Variants in DTL observed in about 807,000 individuals in gnomAD.
DTL encodes the protein denticleless protein homolog.
Under a neutral mutation model 87.0 loss-of-function variants are expected in DTL, and 46 were observed. That is an observed-to-expected ratio of 0.53 (90% confidence interval 0.42 to 0.68). DTL has a LOEUF of 0.68. Among genes scored for constraint, DTL ranks in the 30% least tolerant of loss-of-function variants. DTL has a pLI of 0.00. For synonymous variants in DTL, 308 were observed against 311.2 expected (o/e 0.99, Z 0.11); for missense variants, 737 against 869.4 (o/e 0.85, Z 1.91).
intron 5 of DTL, among the ~76,000 whole-genome samples, chr1:212,052,437 G>GACC (rs1364205704): frequency 6.6e-6 from 1 of 152,070 alleles, no homozygotes; most frequent in Non-Finnish European, 1.5e-5. Flanking sequence ...AGGAGTTCAA[G>GACC]ACCAGCTAGG....
At chr1:212,066,399 A>G (rs1304875681) in intron 7 of DTL, among the ~76,000 whole-genome samples, 1 of 152,210 alleles carries the variant, frequency 6.6e-6, no homozygotes, top group Non-Finnish European at 1.5e-5. Context: ...TTTTCAGGGC[A>G]TGAAATAATC....
At chr1:212,047,240 G>C in intron 4 of DTL, 28 bp downstream of exon 4, 1 of 1,614,080 alleles carries the variant, frequency 6.2e-7, no homozygotes, top group Non-Finnish European at 8.5e-7. Flanking sequence ...ATTAGGATCT[G>C]GGTAAATACT....
rs192484649 is a variant in DTL at position 212,087,822 on chromosome 1, C to T, written c.1261+7072C>T. 7.9e-5 allele frequency among the ~76,000 whole-genome samples: 12 copies of T among 152,332 alleles called. No homozygotes were observed. The East Asian group carries it at 1.2e-3, about 15-fold the overall frequency. ...CCAAGCTTCTAATTGCCACGCCAAC[C>T]TTTCATTGCTGTCCTGGGCTGCTTA... On this transcript the variant is annotated intron_variant, in intron 13 of 14. Coordinates refer to ENST00000366991, the MANE Select transcript of DTL (RefSeq NM_016448.4).
At position 212,062,796 on chromosome 1, in the gene DTL, A is replaced by G. The variant is rs1654372547; in HGVS notation, c.461-88A>G. 6.9e-6 allele frequency: 7 copies of G among 1,016,324 alleles called. No homozygotes were observed. The Admixed American group carries it at 1.0e-4, about 15-fold the overall frequency. 63.0% of individuals were successfully genotyped at this position (1,016,324 alleles called of 1,614,324 possible). Reference sequence around the variant, plus strand: ...GTGACAGATACAGTACCTAGCACATAATAGATAGTCTACAAAATGTAAACT... The same window carrying G: ...GTGACAGATACAGTACCTAGCACATGATAGATAGTCTACAAAATGTAAACT... On this transcript the variant is annotated intron_variant, in intron 5 of 14. Coordinates refer to ENST00000366991, the MANE Select transcript of DTL (RefSeq NM_016448.4).
chr1:212,056,630 A>C (rs1281800543), intron 5 of DTL, among the ~76,000 whole-genome samples: 3 of 152,218 alleles, frequency 2.0e-5, no homozygotes, highest in Non-Finnish European at 4.4e-5. Context: ...GTAATTCTTC[A>C]GCAACAAATC....
intron 5 of DTL, among the ~76,000 whole-genome samples, chr1:212,053,158 T>A (rs900125011): frequency 6.6e-5 from 10 of 152,212 alleles, no homozygotes; most frequent in African/African-American, 2.4e-4. Flanking sequence ...AATTGAATGA[T>A]TTCTATTAAT....
intron 5 of DTL, among the ~76,000 whole-genome samples, chr1:212,062,612 A>T (rs1654361259): frequency 6.6e-6 from 1 of 152,194 alleles, no homozygotes; most frequent in South Asian, 2.1e-4. Context: ...CTTGATTGTT[A>T]TTCTTATTAC....
chr1:212,039,995 A>T (rs1401951104), intron 1 of DTL, among the ~76,000 whole-genome samples: 2 of 152,200 alleles, frequency 1.3e-5, no homozygotes, highest in Non-Finnish European at 2.9e-5. Context: ...TAAATTGATT[A>T]AAAAATACTT....
chr1:212,094,526 A>G (rs991507036), intron 13 of DTL, among the ~76,000 whole-genome samples: 1 of 152,152 alleles, frequency 6.6e-6, no homozygotes, highest in African/African-American at 2.4e-5. Flanking sequence ...GTTTGAAGTC[A>G]GGTAATGTGA....
At chr1:212,097,759 T>C (rs1655492791) in intron 13 of DTL, among the ~76,000 whole-genome samples, 1 of 152,256 alleles carries the variant, frequency 6.6e-6, no homozygotes, top group African/African-American at 2.4e-5. Context: ...CCATTGCTGG[T>C]AAGCTAGTAT....
chr1:212,068,774 A>G (rs1654587010), intron 10 of DTL, 71 bp downstream of exon 10: 1 of 971,064 alleles, frequency 1.0e-6, no homozygotes, highest in South Asian at 1.5e-5. Context: ...TGATAATTTA[A>G]TGGGCTTTCT....
At chr1:212,072,500 T>C (rs1259176873) in intron 11 of DTL, among the ~76,000 whole-genome samples, 3 of 152,182 alleles carry the variant, frequency 2.0e-5, no homozygotes, top group Non-Finnish European at 4.4e-5. Flanking sequence ...CTTAACTACT[T>C]TGTCCTGCAT....
intron 13 of DTL, among the ~76,000 whole-genome samples, chr1:212,096,697 G>A (rs1212920433): frequency 6.6e-6 from 1 of 152,188 alleles, no homozygotes; most frequent in East Asian, 1.9e-4. Context: ...TCCCTTTGGA[G>A]TTGACTTCCA....
At chr1:212,088,127 C>T (rs1014231728) in intron 13 of DTL, among the ~76,000 whole-genome samples, 1 of 152,142 alleles carries the variant, frequency 6.6e-6, no homozygotes, top group Non-Finnish European at 1.5e-5. Flanking sequence ...TGTATTTTTA[C>T]AAAGCTCCAA....
chr1:212,097,718 G>T (rs1342391833), intron 13 of DTL, among the ~76,000 whole-genome samples: 2 of 151,818 alleles, frequency 1.3e-5, no homozygotes, highest in Non-Finnish European at 2.9e-5. Flanking sequence ...ATTCTTTTCT[G>T]GCAATTCAAA....
intron 1 of DTL, among the ~76,000 whole-genome samples, chr1:212,037,274 C>G (rs1420206682): frequency 6.6e-6 from 1 of 152,190 alleles, no homozygotes; most frequent in Admixed American, 6.5e-5. Flanking sequence ...CTCAAGTACT[C>G]ATTCGTTGTT....
chr1:212,077,162 G>A, intron 11 of DTL, among the ~76,000 whole-genome samples: 1 of 152,162 alleles, frequency 6.6e-6, no homozygotes, highest in East Asian at 1.9e-4. Flanking sequence ...AATGAAAAGA[G>A]AATAACTTCT....
intron 2 of DTL, 52 bp downstream of exon 2, chr1:212,043,170 AC>A: frequency 6.5e-7 from 1 of 1,539,800 alleles, no homozygotes; most frequent in African/African-American, 1.4e-5. Context: ...TCTATTTCAC[AC>A]TTATAGGGAA....
chr1:212,043,945 C>T (rs75872790), intron 2 of DTL, among the ~76,000 whole-genome samples: 2,350 of 152,040 alleles, frequency 0.015, 20 homozygotes, highest in Non-Finnish European at 0.023. Flanking sequence ...AAAAATTAGC[C>T]GGGCATGGTG....
Sources: gnomAD v4.1 joint callset for allele counts (sites outside exome capture counted in the v4.1 genomes callset) on GRCh38, gnomAD v4.1.1 for gene constraint, MANE v1.5 for transcripts, NCBI Gene and HGNC (gene_info 2026-07-23, HGNC 2026-07-21) for gene names.